APOL2: variants seen among roughly 807,000 people sequenced by gnomAD.
APOL2 encodes apolipoprotein L, 2.
Under a neutral mutation model 7.1 loss-of-function variants are expected in APOL2, and 8 were observed. The ratio of observed to expected loss-of-function variants is 1.12; its 90% CI spans 0.66 to 2.03. The LOEUF (loss-of-function observed/expected upper bound fraction) is 2.03, where lower values mean the gene tolerates loss of function less well. Among genes scored for constraint, APOL2 ranks in the 30% most tolerant of loss-of-function variants. The pLI is 0.00. For missense variants in APOL2, 471 were observed against 415.1 expected (o/e 1.13, Z -1.17); for synonymous variants, 177 against 159.9 (o/e 1.11, Z -0.81).
At chr22:36,238,493 G>T (rs1169940737) in intron 1 of APOL2, among the ~76,000 whole-genome samples, 1 of 152,128 alleles carries the variant, frequency 6.6e-6, no homozygotes, top group African/African-American at 2.4e-5. Context: ...CTCTTGGAGG[G>T]CAGAGGGGAG....
At chr22:36,236,174 A>T (rs2146981745) in intron 1 of APOL2, among the ~76,000 whole-genome samples, 1 of 152,304 alleles carries the variant, frequency 6.6e-6, no homozygotes, top group East Asian at 1.9e-4. Flanking sequence ...AAATGTAAAC[A>T]CTCTTGATTG....
chr22:36,235,454 A>C (rs547459746), intron 1 of APOL2, among the ~76,000 whole-genome samples: 1 of 152,334 alleles, frequency 6.6e-6, no homozygotes, highest in East Asian at 1.9e-4. Context: ...CCATGTCCTC[A>C]GGGAGATTAA....
Position 36,227,488 on chromosome 22 carries a change from C to T in APOL2, c.930G>A (p.Leu310=), listed in dbSNP as rs1225212623. Reference sequence around the variant, plus strand: ...CCTCCAGCTCCTGAGCCCGCTTCTTCAGCTCCTCAGCTGACTCTGACTTTG... The same window carrying T: ...CCTCCAGCTCCTGAGCCCGCTTCTTTAGCTCCTCAGCTGACTCTGACTTTG... ...EGAKSESAEE[L]KKRAQELEGK... The change falls in exon 5 of 5, where the codon CTG becomes CTA. Residue 310 remains leucine (L), a synonymous_variant. Coordinates refer to ENST00000358502, the MANE Select transcript of APOL2 (RefSeq NM_030882.4). 1 of 1,614,208 alleles carries T rather than the reference C, an allele frequency of 6.2e-7. No homozygotes were observed. Among genetic ancestry groups the T allele is most frequent in the Non-Finnish European group, 8.5e-7 (1 of 1,180,036 alleles).
rs372742770 is a variant in APOL2, at chr22:36,235,571, TAAAC to T, written c.-133-2120_-133-2117del. ...TAGAAACTAAAAGGTGATGATCAAA[TAAAC>T]AAGTCTAGAGAGACCATGTGAAAGA... On this transcript the variant is annotated intron_variant, in intron 1 of 4. Coordinates refer to ENST00000358502, the MANE Select transcript of APOL2 (RefSeq NM_030882.4). Among the ~76,000 whole-genome samples, 225 of 151,824 alleles carry T rather than the reference TAAAC, an allele frequency of 1.5e-3. 2 individuals carry two copies. The highest frequency in any genetic ancestry group is 5.2e-3 in the African/African-American group (217 of 41,396).
intron 1 of APOL2, chr22:36,237,117 G>A (rs1474822075): frequency 6.5e-7 from 1 of 1,533,702 alleles, no homozygotes; most frequent in Admixed American, 2.0e-5. Context: ...GGTCATTGTT[G>A]GCCTGGCTCC....
At position 36,233,175 on chromosome 22, in the gene APOL2, T is replaced by C. The variant is rs1370603915; in HGVS notation, c.-13A>G. The C allele has an allele frequency of 6.2e-7, 1 of 1,614,116 alleles. No individual in the cohort carries two copies. Among genetic ancestry groups the C allele is most frequent in the Admixed American group, 1.7e-5 (1 of 60,016 alleles). On this transcript the variant is annotated 5_prime_UTR_variant, in exon 3 of 5. Coordinates refer to ENST00000358502, the MANE Select transcript of APOL2 (RefSeq NM_030882.4). ...TACCTGGGTTCATGGTGCCAGCGGC[T>C]GGGTTACCGAGGGGCTTTCCTTGGA...
At position 36,233,134 on chromosome 22, in the gene APOL2, A is replaced by G. The variant is rs1339730768; in HGVS notation, c.10+19T>C. 6.2e-7 allele frequency: 1 copy of G among 1,613,426 alleles called. No homozygotes were observed. The highest frequency in any genetic ancestry group is 8.5e-7 in the Non-Finnish European group (1 of 1,179,450). ...TAGGTGCGAGTAGGAACTAGCCAGG[A>G]AAGAGGAAGCGAGCCTACCTGGGTT... On this transcript the variant is annotated intron_variant, in intron 3 of 4. Transcript: ENST00000358502.
In APOL2 at chr22:36,233,405, G is replaced by A. The variant is rs532980977; in HGVS notation, c.-83C>T. 4.2e-5 allele frequency: 65 copies of A among 1,552,152 alleles called. No homozygotes were observed. The highest frequency in any genetic ancestry group is 5.1e-5 in the Non-Finnish European group (59 of 1,148,636). On this transcript the variant is annotated 5_prime_UTR_variant, in exon 2 of 5. The change creates a new upstream start codon in the 5' untranslated region. Transcript: ENST00000358502. ...GCTAGTATTTACAGAAACTCACCTC[G>A]TTCCAGCTTCCTCTTCCCTCACTCT...
rs913981512 is a variant in APOL2 at position 36,236,741 on chromosome 22, T to C, written c.-134+2700A>G. On this transcript the variant is annotated intron_variant, in intron 1 of 4. Coordinates refer to ENST00000358502, the MANE Select transcript of APOL2 (RefSeq NM_030882.4). ...CCTCAAAAGCCACTCGCCTCCCTCTTTCCACTTCCCACCTCTGTTTCAGGG... is the reference window on the plus strand; with the variant it reads ...CCTCAAAAGCCACTCGCCTCCCTCTCTCCACTTCCCACCTCTGTTTCAGGG... 2.9e-6 allele frequency: 3 copies of C among 1,027,626 alleles called. No individual in the cohort carries two copies. The African/African-American group carries it at 5.1e-5, about 17-fold the overall frequency. 63.7% of individuals were successfully genotyped at this position (1,027,626 alleles called of 1,614,324 possible). A position where few individuals can be genotyped will look rare whatever the true frequency, so the allele number is the denominator to read the frequency against.
chr22:36,226,319 A>G lies in APOL2; in HGVS notation c.*1085T>C, dbSNP rs1215989639. On this transcript the variant is annotated 3_prime_UTR_variant, in exon 5 of 5. Coordinates refer to ENST00000358502, the MANE Select transcript of APOL2 (RefSeq NM_030882.4). Reference sequence around the variant, plus strand: ...CCAATGCTAAACTGCTTTCATGCTAATCTTCTGACTGTTTACTTACCGGCT... The same window carrying G: ...CCAATGCTAAACTGCTTTCATGCTAGTCTTCTGACTGTTTACTTACCGGCT... 1.3e-5 allele frequency: 2 copies of G among 152,204 alleles called. No homozygotes were observed. The highest frequency in any genetic ancestry group is 4.8e-5 in the African/African-American group (2 of 41,432). The allele number at this position is 152,204 out of a possible 1,614,324, so 9.4% of individuals were successfully genotyped here.
intron 1 of APOL2, 60 bp downstream of exon 1, chr22:36,239,381 C>T (rs1483370480): frequency 1.4e-6 from 2 of 1,467,962 alleles, no homozygotes; most frequent in African/African-American, 2.8e-5. Flanking sequence ...ATGATCCTTC[C>T]CTTATAGAGC....
chr22:36,232,958 G>A (rs572941446), intron 3 of APOL2, among the ~76,000 whole-genome samples, 195 bp downstream of exon 3: 14 of 152,186 alleles, frequency 9.2e-5, no homozygotes, highest in African/African-American at 2.6e-4. Flanking sequence ...GTGTCACCCC[G>A]AGGAGAGGTC....
In APOL2 at chr22:36,227,177, G is replaced by T. The variant is rs566048733; in HGVS notation, c.*227C>A. ...GAAAATACAAAAAAATTAGCCGGGC[G>T]TGGTGGCAGGTGCCTGTAGTCCCAG... On this transcript the variant is annotated 3_prime_UTR_variant, in exon 5 of 5. Transcript: ENST00000358502. 4.5e-6 allele frequency: 2 copies of T among 444,292 alleles called. No homozygotes were observed. The highest frequency in any genetic ancestry group is 7.8e-6 in the Non-Finnish European group (2 of 257,864). 27.5% of individuals were successfully genotyped at this position (444,292 alleles called of 1,614,324 possible).
intron 1 of APOL2, among the ~76,000 whole-genome samples, chr22:36,235,722 T>G: frequency 7.0e-6 from 1 of 143,620 alleles, no homozygotes; most frequent in East Asian, 2.5e-4. Flanking sequence ...TACTTGAGAA[T>G]GAGCCACCGG....
In APOL2 at chr22:36,233,458, G is replaced by A. The variant is rs2015300161; in HGVS notation, c.-133-3C>T. The A allele has an allele frequency of 6.5e-7, 1 of 1,549,626 alleles. No individual in the cohort carries two copies. The highest frequency in any genetic ancestry group is 8.7e-7 in the Non-Finnish European group (1 of 1,146,978). ...CACCAAGGCAGGGTCCTCTTGTCCT[G>A]TAGGGGTATGAGAAGAAGATAATCA... On this transcript the variant is annotated splice_polypyrimidine_tract_variant and splice_region_variant and intron_variant, in intron 1 of 4. Transcript: ENST00000358502.
chr22:36,233,421 C>T lies in APOL2; in HGVS notation c.-99G>A. On this transcript the variant is annotated 5_prime_UTR_variant, in exon 2 of 5. Transcript: ENST00000358502. The stretch of plus-strand genomic sequence containing the variant: ...ACTCACCTCGTTCCAGCTTCCTCTT[C>T]CCTCACTCTCACACCAAGGCAGGGT... 2 of 1,551,258 alleles carry T rather than the reference C, an allele frequency of 1.3e-6. No homozygotes were observed. Among genetic ancestry groups the T allele is most frequent in the Non-Finnish European group, 1.7e-6 (2 of 1,147,898 alleles).
chr22:36,233,115 C>G (rs369311783), intron 3 of APOL2, 38 bp downstream of exon 3: 2 of 1,602,422 alleles, frequency 1.2e-6, no homozygotes, highest in East Asian at 2.2e-5. Context: ...ATTCTAGGTG[C>G]GAGTAGGAAC....
intron 3 of APOL2, 102 bp downstream of exon 3, chr22:36,233,051 C>G: frequency 8.2e-7 from 1 of 1,221,064 alleles, no homozygotes; most frequent in Non-Finnish European, 1.2e-6. Context: ...CATTGGCCTC[C>G]TAGTCCATCT....
chr22:36,229,938 C>T (rs1016861887), intron 4 of APOL2, among the ~76,000 whole-genome samples: 1 of 152,220 alleles, frequency 6.6e-6, no homozygotes, highest in Non-Finnish European at 1.5e-5. Context: ...CTCCAGCCAC[C>T]TTACTGCCTC....
Sources: gnomAD v4.1 joint callset for allele counts (sites outside exome capture counted in the v4.1 genomes callset) on GRCh38, gnomAD v4.1.1 for gene constraint, MANE v1.5 for transcripts, NCBI Gene and HGNC (gene_info 2026-07-23, HGNC 2026-07-21) for gene names.